The following ARHGAP26 variants were observed in gnomAD, a reference collection of about 807,000 sequenced individuals.
ARHGAP26 encodes rho GTPase-activating protein 26.
ARHGAP26 carries 38 observed loss-of-function variants against 104.8 expected under a neutral mutation model. That is an observed-to-expected ratio of 0.36 (90% CI 0.28 to 0.48). The LOEUF (loss-of-function observed/expected upper bound fraction) is 0.48, where lower values mean the gene tolerates loss of function less well. ARHGAP26 is among the 20% of genes least tolerant of loss of function. The pLI, the probability that ARHGAP26 is intolerant of heterozygous loss-of-function variation, is 0.99. For missense variants in ARHGAP26, 704 were observed against 947.9 expected (o/e 0.74, Z 3.38); for synonymous variants, 341 against 340.0 (o/e 1.00, Z -0.03).
At chr5:143,034,162 G>T (rs576328158) in intron 12 of ARHGAP26, among the ~76,000 whole-genome samples, 1 of 152,190 alleles carries the variant, frequency 6.6e-6, no homozygotes, top group African/African-American at 2.4e-5. Flanking sequence ...ATGAAAACTG[G>T]TGCAGCTGCT....
At chr5:142,980,628 A>G (rs1031153911) in intron 11 of ARHGAP26, among the ~76,000 whole-genome samples, 5 of 152,016 alleles carry the variant, frequency 3.3e-5, no homozygotes, top group African/African-American at 1.2e-4. Context: ...ACCTCAGGCA[A>G]TCTGCCTGCC....
At chr5:142,771,775 G>C (rs1006984141) in intron 1 of ARHGAP26, among the ~76,000 whole-genome samples, 4 of 152,120 alleles carry the variant, frequency 2.6e-5, no homozygotes, top group African/African-American at 9.7e-5. Context: ...AACCATTTTT[G>C]CGTTTTTTCC....
chr5:142,906,182 A>G (rs1761078437), intron 8 of ARHGAP26, among the ~76,000 whole-genome samples: 1 of 152,192 alleles, frequency 6.6e-6, no homozygotes, highest in South Asian at 2.1e-4. Context: ...TGTGGTGTCG[A>G]CCTGCCCCTC....
At chr5:142,955,279 C>A (rs149328773) in intron 11 of ARHGAP26, among the ~76,000 whole-genome samples, 1 of 151,796 alleles carries the variant, frequency 6.6e-6, no homozygotes, top group Admixed American at 6.6e-5. Flanking sequence ...CCAGACTGGG[C>A]GACAGAGTGA....
intron 1 of ARHGAP26, among the ~76,000 whole-genome samples, chr5:142,790,876 C>T (rs539910382): frequency 1.3e-5 from 2 of 152,142 alleles, no homozygotes; most frequent in African/African-American, 2.4e-5. Context: ...CCATCCTTCC[C>T]CTTCTATCTC....
At chr5:142,859,036 C>T (rs529986040) in intron 1 of ARHGAP26, among the ~76,000 whole-genome samples, 42 of 152,166 alleles carry the variant, frequency 2.8e-4, no homozygotes, top group African/African-American at 9.6e-4. Flanking sequence ...GGTGTGCAGA[C>T]GAGGTAGATT....
At chr5:143,147,958 G>A (rs1799358082) in intron 20 of ARHGAP26, among the ~76,000 whole-genome samples, 1 of 152,178 alleles carries the variant, frequency 6.6e-6, no homozygotes, top group Non-Finnish European at 1.5e-5. Flanking sequence ...AGGACAATTA[G>A]TTTGGGGGCT....
chr5:143,193,012 T>G (rs1806171686), intron 20 of ARHGAP26, among the ~76,000 whole-genome samples: 1 of 152,178 alleles, frequency 6.6e-6, no homozygotes, highest in South Asian at 2.1e-4. Flanking sequence ...TCAATGACTG[T>G]CTGAAAATAT....
intron 8 of ARHGAP26, among the ~76,000 whole-genome samples, chr5:142,906,150 T>G (rs551263522): frequency 6.6e-6 from 1 of 152,342 alleles, no homozygotes; most frequent in South Asian, 2.1e-4. Context: ...AGAGTTCTTC[T>G]CTGGGGCCAC....
intron 12 of ARHGAP26, among the ~76,000 whole-genome samples, chr5:143,017,353 C>G (rs1217697610): frequency 6.6e-6 from 1 of 152,160 alleles, no homozygotes; most frequent in Non-Finnish European, 1.5e-5. Context: ...ACCCAGTTGC[C>G]AGGGAGAGGA....
intron 20 of ARHGAP26, among the ~76,000 whole-genome samples, chr5:143,148,154 T>C (rs1008446784): frequency 6.6e-6 from 1 of 152,166 alleles, no homozygotes; most frequent in African/African-American, 2.4e-5. Flanking sequence ...GCTACAGTTA[T>C]GTAAGACTCA....
chr5:143,147,168 T>G (rs1799263899), intron 19 of ARHGAP26, 63 bp from the exon 20 acceptor site: 1 of 1,537,652 alleles, frequency 6.5e-7, no homozygotes, highest in East Asian at 2.3e-5. Flanking sequence ...TTTTTGTGCA[T>G]GTAGCAATAG....
At chr5:142,908,916 A>G (rs1342228411) in intron 9 of ARHGAP26, 1 of 167,104 alleles carries the variant, frequency 6.0e-6, no homozygotes, top group Non-Finnish European at 1.5e-5. Flanking sequence ...ACAGCAGGCC[A>G]CATGCATTTC....
intron 20 of ARHGAP26, among the ~76,000 whole-genome samples, chr5:143,159,121 T>G (rs1302641753): frequency 6.6e-6 from 1 of 152,204 alleles, no homozygotes; most frequent in Non-Finnish European, 1.5e-5. Flanking sequence ...ATATATGAGT[T>G]GGTGTCTTGA....
intron 11 of ARHGAP26, among the ~76,000 whole-genome samples, chr5:142,991,613 A>G (rs565384724): frequency 1.2e-4 from 19 of 152,236 alleles, no homozygotes; most frequent in African/African-American, 4.6e-4. Context: ...TTATCTTTAT[A>G]CCATATTTTT....
chr5:143,041,115 G>C (rs1783404373), intron 13 of ARHGAP26, among the ~76,000 whole-genome samples: 1 of 152,118 alleles, frequency 6.6e-6, no homozygotes, highest in Non-Finnish European at 1.5e-5. Context: ...CAAGTCACCT[G>C]GTCTAAATTG....
chr5:143,217,042 G>C (rs1328560386), intron 22 of ARHGAP26, among the ~76,000 whole-genome samples: 4 of 152,096 alleles, frequency 2.6e-5, no homozygotes, highest in Non-Finnish European at 4.4e-5. Flanking sequence ...TACTGCTGGG[G>C]ATATGAGGTA....
At chr5:142,806,505 G>T (rs1390401667) in intron 1 of ARHGAP26, among the ~76,000 whole-genome samples, 1 of 147,584 alleles carries the variant, frequency 6.8e-6, no homozygotes, top group African/African-American at 2.6e-5. Context: ...GTGTGTGTGT[G>T]TGTTTAGTTT....
intron 5 of ARHGAP26, among the ~76,000 whole-genome samples, chr5:142,886,626 G>A (rs544611537): frequency 1.3e-5 from 2 of 152,252 alleles, no homozygotes; most frequent in South Asian, 4.1e-4. Flanking sequence ...TTGTGCCTGA[G>A]TAGGGAAAAA....
Sources: gnomAD v4.1 joint callset for allele counts (sites outside exome capture counted in the v4.1 genomes callset) on GRCh38, gnomAD v4.1.1 for gene constraint, MANE v1.5 for transcripts, NCBI Gene and HGNC (gene_info 2026-07-23, HGNC 2026-07-21) for gene names.